The following GPATCH2 variants were observed in gnomAD, a reference collection of about 807,000 sequenced individuals.
GPATCH2 encodes the protein G-patch domain containing 2, also known as G patch domain-containing protein 2.
In GPATCH2, 51 loss-of-function variants were observed where a neutral mutation model predicts 58.0. The observed-to-expected ratio is 0.88, with a 90% confidence interval of 0.70 to 1.11. GPATCH2 has a LOEUF of 1.11. Among genes scored for constraint, GPATCH2 ranks in the 50% most tolerant of loss-of-function variants. GPATCH2 has a pLI of 0.00. For missense variants in GPATCH2, 625 were observed against 652.2 expected (o/e 0.96, Z 0.45); for synonymous variants, 222 against 218.5 (o/e 1.02, Z -0.14).
chr1:217,460,592 C>T (rs528667084), intron 8 of GPATCH2, among the ~76,000 whole-genome samples: 2 of 152,334 alleles, frequency 1.3e-5, no homozygotes, highest in South Asian at 2.1e-4. Context: ...ATAGCTGTGT[C>T]GCTCTGTAGG....
intron 5 of GPATCH2, among the ~76,000 whole-genome samples, chr1:217,531,804 C>G (rs9633500): frequency 0.58 from 88,173 of 152,010 alleles, 26,749 homozygotes; most frequent in East Asian, 0.84. Flanking sequence ...AGAAAGGATG[C>G]TGTCAAGCAC....
chr1:217,586,184 C>T (rs1017981144), intron 5 of GPATCH2, among the ~76,000 whole-genome samples: 1 of 151,926 alleles, frequency 6.6e-6, no homozygotes, highest in African/African-American at 2.4e-5. Context: ...TTTAAAATAT[C>T]CTCTTTCTTC....
chr1:217,441,544 T>A (rs1227998091), intron 9 of GPATCH2, among the ~76,000 whole-genome samples: 1 of 152,086 alleles, frequency 6.6e-6, no homozygotes, highest in African/African-American at 2.4e-5. Flanking sequence ...AAAGAAACTA[T>A]CATCAGAGTG....
intron 5 of GPATCH2, among the ~76,000 whole-genome samples, chr1:217,519,585 G>T (rs148302599): frequency 6.6e-6 from 1 of 152,268 alleles, no homozygotes; most frequent in East Asian, 1.9e-4. Flanking sequence ...TCTTACCAAC[G>T]TGCCAAATTC....
At chr1:217,518,962 G>A (rs1289656538) in intron 5 of GPATCH2, among the ~76,000 whole-genome samples, 2 of 152,128 alleles carry the variant, frequency 1.3e-5, no homozygotes, top group Non-Finnish European at 2.9e-5. Context: ...TCAGCCTCCC[G>A]GCCAGTTTGT....
intron 9 of GPATCH2, among the ~76,000 whole-genome samples, chr1:217,435,406 C>T (rs1300584523): frequency 1.3e-5 from 2 of 152,172 alleles, no homozygotes; most frequent in African/African-American, 4.8e-5. Context: ...CTTGTATCGG[C>T]CTCTCTTAGC....
intron 5 of GPATCH2, among the ~76,000 whole-genome samples, chr1:217,600,929 CA>C (rs1668074650): frequency 6.6e-6 from 1 of 152,064 alleles, no homozygotes; most frequent in African/African-American, 2.4e-5. Context: ...TAAAGACATT[CA>C]TTAAAAAGTC....
intron 6 of GPATCH2, among the ~76,000 whole-genome samples, chr1:217,501,856 C>G (rs1662321919): frequency 6.6e-6 from 1 of 152,028 alleles, no homozygotes; most frequent in Non-Finnish European, 1.5e-5. Context: ...AGATACTAGT[C>G]TTTTGCTAGA....
At chr1:217,567,048 T>G (rs113952833) in intron 5 of GPATCH2, among the ~76,000 whole-genome samples, 5 of 134,408 alleles carry the variant, frequency 3.7e-5, no homozygotes, top group East Asian at 2.5e-4. Context: ...ACTTCTGGCT[T>G]TTTTTTTTTT....
At chr1:217,449,396 A>G in intron 8 of GPATCH2, 59 bp from the exon 9 acceptor site, 1 of 982,356 alleles carries the variant, frequency 1.0e-6, no homozygotes, top group South Asian at 1.3e-5. Context: ...ACATAAATAC[A>G]CAGCTTGTAT....
At chr1:217,456,431 T>C (rs1659946486) in intron 8 of GPATCH2, among the ~76,000 whole-genome samples, 1 of 152,136 alleles carries the variant, frequency 6.6e-6, no homozygotes, top group Non-Finnish European at 1.5e-5. Context: ...CACTCCCGTT[T>C]TAGCACCACT....
intron 5 of GPATCH2, among the ~76,000 whole-genome samples, chr1:217,559,963 C>G (rs1191214955): frequency 6.6e-6 from 1 of 152,136 alleles, no homozygotes. Flanking sequence ...ATTCTCCTGC[C>G]TCAGCCTCCC....
At position 217,430,334 on chromosome 1, in the gene GPATCH2, A is replaced by T. The variant is rs182589730; in HGVS notation, c.*811T>A. 5 of 152,336 alleles carry T rather than the reference A, an allele frequency of 3.3e-5. No individual in the cohort carries two copies. In the East Asian group the frequency reaches 7.7e-4, roughly 23 times the overall value. The allele number at this position is 152,336 out of a possible 1,614,324, so 9.4% of individuals were successfully genotyped here. A position where few individuals can be genotyped will look rare whatever the true frequency, so the allele number is the denominator to read the frequency against. On this transcript the variant is annotated 3_prime_UTR_variant, in exon 10 of 10. Transcript: ENST00000366935. ...TGAGTTGATCTTAAAAATAATATCAATCTTTGGGAAAACAGAGGTAGAAGT... is the reference window on the plus strand; with the variant it reads ...TGAGTTGATCTTAAAAATAATATCATTCTTTGGGAAAACAGAGGTAGAAGT...
At chr1:217,545,470 T>A (rs749906224) in intron 5 of GPATCH2, among the ~76,000 whole-genome samples, 11 of 152,190 alleles carry the variant, frequency 7.2e-5, no homozygotes, top group Non-Finnish European at 1.6e-4. Context: ...GCATACTTAT[T>A]ACTTTTCTCC....
intron 5 of GPATCH2, among the ~76,000 whole-genome samples, chr1:217,515,515 C>T (rs1464584676): frequency 1.3e-5 from 2 of 152,026 alleles, no homozygotes; most frequent in Admixed American, 6.5e-5. Context: ...CGAGACCAGC[C>T]TGGACAACAC....
intron 5 of GPATCH2, among the ~76,000 whole-genome samples, chr1:217,599,764 AAC>A (rs1668025820): frequency 6.6e-6 from 1 of 152,234 alleles, no homozygotes; most frequent in Non-Finnish European, 1.5e-5. Context: ...AGTCAAATGT[AAC>A]ATATACTTAT....
At chr1:217,551,462 C>A (rs935984960) in intron 5 of GPATCH2, among the ~76,000 whole-genome samples, 3 of 152,050 alleles carry the variant, frequency 2.0e-5, no homozygotes, top group African/African-American at 4.8e-5. Flanking sequence ...ATTTAACAAG[C>A]CTTCCAGCTG....
chr1:217,531,553 T>C (rs191984738), intron 5 of GPATCH2, among the ~76,000 whole-genome samples: 3 of 152,192 alleles, frequency 2.0e-5, no homozygotes, highest in East Asian at 3.9e-4. Context: ...ACAAAAAAAA[T>C]AGTAGACAAT....
At chr1:217,613,652 C>CA (rs1394609339) in intron 3 of GPATCH2, among the ~76,000 whole-genome samples, 2 of 151,964 alleles carry the variant, frequency 1.3e-5, no homozygotes, top group African/African-American at 4.8e-5. Flanking sequence ...ATATAAGTTG[C>CA]AAGACATTTC....
Sources: allele counts gnomAD v4.1 joint callset (sites outside exome capture counted in the v4.1 genomes callset), GRCh38; gene constraint gnomAD v4.1.1; transcripts MANE v1.5; gene names NCBI Gene and HGNC (gene_info 2026-07-23, HGNC 2026-07-21).